Variants in DYM observed in about 807,000 individuals in gnomAD.
The protein encoded by DYM is dymeclin.
Under a neutral mutation model 93.1 loss-of-function variants are expected in DYM, and 78 were observed. That is an observed-to-expected ratio of 0.84 (90% CI 0.70 to 1.01). The LOEUF (loss-of-function observed/expected upper bound fraction) is 1.01. Ranked by LOEUF, DYM falls within the 50% of genes least tolerant of loss-of-function variation. The pLI is 0.00. For missense variants in DYM, 789 were observed against 845.0 expected (o/e 0.93, Z 0.82); for synonymous variants, 321 against 319.7 (o/e 1.00, Z -0.04).
intron 13 of DYM, among the ~76,000 whole-genome samples, chr18:49,234,564 C>T (rs1004652135): frequency 6.6e-6 from 1 of 152,028 alleles, no homozygotes; most frequent in African/African-American, 2.4e-5. Context: ...AGGATGAAAC[C>T]CTAGGGGATG....
At chr18:49,196,049 C>T (rs1282230791) in intron 14 of DYM, among the ~76,000 whole-genome samples, 1 of 151,292 alleles carries the variant, frequency 6.6e-6, no homozygotes, top group South Asian at 2.1e-4. Flanking sequence ...CTCAGCCTCC[C>T]GAGTAGCTGG....
rs575899147 is a variant in DYM, at chr18:49,271,120, A to C, written c.1251+1058T>G. On this transcript the variant is annotated intron_variant, in intron 11 of 17. Coordinates refer to ENST00000675505, the MANE Select transcript of DYM (RefSeq NM_001353214.3). ...AACCAGGGCCACCAGATGCTCCAGG[A>C]AAGACAGGAGTCCAAAAAGAAAATT... 2.5e-4 allele frequency among the ~76,000 whole-genome samples: 38 copies of C among 152,320 alleles called. 2 individuals are homozygous for C. The South Asian group carries it at 7.9e-3, about 32-fold the overall frequency.
chr18:49,349,164 T>C (rs2064897499), intron 6 of DYM, among the ~76,000 whole-genome samples: 1 of 152,090 alleles, frequency 6.6e-6, no homozygotes, highest in Non-Finnish European at 1.5e-5. Context: ...GCCAAGATCG[T>C]GCCAGTGCAC....
chr18:49,318,066 C>G (rs1287079038), intron 8 of DYM, among the ~76,000 whole-genome samples: 1 of 152,134 alleles, frequency 6.6e-6, no homozygotes, highest in Non-Finnish European at 1.5e-5. Context: ...CCATTTCACT[C>G]TGCTCCATGC....
At chr18:49,205,036 C>T (rs1568600279) in intron 14 of DYM, among the ~76,000 whole-genome samples, 2 of 152,324 alleles carry the variant, frequency 1.3e-5, no homozygotes, top group Admixed American at 1.3e-4. Context: ...TCTCGGCTTA[C>T]TGCAACCTCT....
At chr18:49,140,215 C>A (rs983900418) in intron 15 of DYM, among the ~76,000 whole-genome samples, 2 of 152,188 alleles carry the variant, frequency 1.3e-5, no homozygotes, top group Admixed American at 6.5e-5. Context: ...CATACACACA[C>A]ACAGTTGTCA....
At chr18:49,197,368 G>C (rs1180761582) in intron 14 of DYM, among the ~76,000 whole-genome samples, 1 of 151,908 alleles carries the variant, frequency 6.6e-6, no homozygotes, top group Non-Finnish European at 1.5e-5. Flanking sequence ...AAAAGGGGGG[G>C]AAGAAAGCCA....
intron 13 of DYM, 113 bp downstream of exon 13, chr18:49,256,897 G>T: frequency 3.4e-6 from 3 of 871,882 alleles, no homozygotes; most frequent in Non-Finnish European, 5.6e-6. Context: ...TAAAAATTAA[G>T]TAGGAAAATT....
intron 14 of DYM, among the ~76,000 whole-genome samples, chr18:49,207,804 GCT>G (rs2092592305): frequency 8.3e-6 from 1 of 120,854 alleles, no homozygotes; most frequent in East Asian, 2.0e-4. Context: ...GCCCAAAATA[GCT>G]CTGTCTCCAT....
At position 49,142,010 on chromosome 18, in the gene DYM, C is replaced by A. The variant is rs560192166; in HGVS notation, c.1728+21675G>T. On this transcript the variant is annotated intron_variant, in intron 15 of 17. Coordinates refer to ENST00000675505, the MANE Select transcript of DYM (RefSeq NM_001353214.3). The stretch of plus-strand genomic sequence containing the variant: ...CTGGGACTACAGGCGCCCACCACCA[C>A]GCCCGGCTAATTTTTTTTTTTTTTT... 2.7e-5 allele frequency among the ~76,000 whole-genome samples: 4 copies of A among 150,922 alleles called. No individual in the cohort carries two copies. The East Asian group carries it at 7.8e-4, about 29-fold the overall frequency.
chr18:49,378,634 GA>G lies in DYM; in HGVS notation c.353del (p.Ile118ThrfsTer38). The G allele has an allele frequency of 6.2e-7, 1 of 1,613,098 alleles. No individual in the cohort carries two copies. Among genetic ancestry groups the G allele is most frequent in the Non-Finnish European group, 8.5e-7 (1 of 1,179,336 alleles). ...FIICCLLKVF[I>X]CQMSEEELQL... ...GTAATTCCTCCTCTGACATCTGACA[GA>G]TGAACACTTTCAGCAAACAGCAAAT... On this transcript the variant is annotated frameshift_variant, in exon 5 of 18. Coordinates refer to ENST00000675505, the MANE Select transcript of DYM (RefSeq NM_001353214.3). LOFTEE classifies it high-confidence loss of function.
chr18:49,052,060 C>T (rs950976872), intron 17 of DYM, among the ~76,000 whole-genome samples: 4 of 152,214 alleles, frequency 2.6e-5, no homozygotes, highest in African/African-American at 9.7e-5. Flanking sequence ...AAAGGGTAAT[C>T]GCACTCTGTT....
At chr18:49,381,359 T>A (rs2068029978) in intron 3 of DYM, among the ~76,000 whole-genome samples, 1 of 152,240 alleles carries the variant, frequency 6.6e-6, no homozygotes, top group African/African-American at 2.4e-5. Flanking sequence ...TTGTGCTTAC[T>A]AACTGCCAAG....
At chr18:49,279,226 T>A (rs186004226) in intron 10 of DYM, among the ~76,000 whole-genome samples, 1 of 152,290 alleles carries the variant, frequency 6.6e-6, no homozygotes, top group Non-Finnish European at 1.5e-5. Flanking sequence ...ATAGAAAGAA[T>A]CCAAGTTAGC....
intron 2 of DYM, among the ~76,000 whole-genome samples, chr18:49,414,090 C>T (rs188158722): frequency 0.018 from 419 of 23,354 alleles, no homozygotes; most frequent in Non-Finnish European, 0.024. Context: ...TGTATGATTC[C>T]ACTTATATGA....
chr18:49,420,867 C>T (rs372530805), intron 2 of DYM, among the ~76,000 whole-genome samples: 1 of 152,134 alleles, frequency 6.6e-6, no homozygotes, highest in South Asian at 2.1e-4. Flanking sequence ...AGATTATATC[C>T]CACGCCTGGC....
rs535965196 is a variant in DYM at position 49,338,041 on chromosome 18, T to C, written c.495-4188A>G. ...TAATAAAATGGAAAAAGTATGTATA[T>C]ATTGGAGAAGTTAGATTAAAACAGT... On this transcript the variant is annotated intron_variant, in intron 6 of 17. Coordinates refer to ENST00000675505, the MANE Select transcript of DYM (RefSeq NM_001353214.3). Among the ~76,000 whole-genome samples the C allele has an allele frequency of 6.6e-5, 10 of 152,282 alleles. No homozygotes were observed. In the South Asian group the frequency reaches 2.1e-3, roughly 32 times the overall value.
At chr18:49,399,852 C>T (rs1277211284) in intron 2 of DYM, among the ~76,000 whole-genome samples, 1 of 151,804 alleles carries the variant, frequency 6.6e-6, no homozygotes, top group East Asian at 1.9e-4. Flanking sequence ...ACTTCCCAGT[C>T]TCCAGCCCTC....
At chr18:49,147,074 T>C (rs2144625367) in intron 15 of DYM, among the ~76,000 whole-genome samples, 1 of 152,054 alleles carries the variant, frequency 6.6e-6, no homozygotes, top group Non-Finnish European at 1.5e-5. Flanking sequence ...TTGACAAACC[T>C]GACAAAAACA....
Sources: allele counts gnomAD v4.1 joint callset (sites outside exome capture counted in the v4.1 genomes callset), GRCh38; gene constraint gnomAD v4.1.1; transcripts MANE v1.5; gene names NCBI Gene and HGNC (gene_info 2026-07-23, HGNC 2026-07-21).